The following RAB11FIP4 variants were observed in gnomAD, a reference collection of about 807,000 sequenced individuals.
RAB11FIP4 encodes RAB11 family interacting protein 4.
Under a neutral mutation model 74.3 loss-of-function variants are expected in RAB11FIP4, and 23 were observed. The observed-to-expected ratio is 0.31, with a 90% CI of 0.22 to 0.44. The LOEUF (loss-of-function observed/expected upper bound fraction) is 0.44, where lower values mean the gene tolerates loss of function less well. Among genes scored for constraint, RAB11FIP4 ranks in the 20% least tolerant of loss-of-function variants. RAB11FIP4 has a pLI of 1.00. For missense variants in RAB11FIP4, 630 were observed against 863.9 expected (o/e 0.73, Z 3.39); for synonymous variants, 360 against 359.9 (o/e 1.00, Z 0.00).
At chr17:31,467,842 T>G (rs761510553) in intron 3 of RAB11FIP4, among the ~76,000 whole-genome samples, 3 of 152,188 alleles carry the variant, frequency 2.0e-5, no homozygotes, top group Admixed American at 6.5e-5. Context: ...TTGGGGCCCA[T>G]TCTAATTAAG....
rs529316298 is a variant in RAB11FIP4, at chr17:31,444,606, G to A, written c.336+10484G>A. 1.0e-3 allele frequency among the ~76,000 whole-genome samples: 154 copies of A among 152,208 alleles called. 1 individual carries two copies. Among genetic ancestry groups the A allele is most frequent in the Non-Finnish European group, 1.8e-3 (124 of 68,006 alleles). ...CGCTAAGCTGAGCTGGCCAGCAAGTGCTACTTCCCACGGGCCACCTCCTGC... is the reference window on the plus strand; with the variant it reads ...CGCTAAGCTGAGCTGGCCAGCAAGTACTACTTCCCACGGGCCACCTCCTGC... On this transcript the variant is annotated intron_variant, in intron 3 of 14. Coordinates refer to ENST00000621161, the MANE Select transcript of RAB11FIP4 (RefSeq NM_032932.6).
At chr17:31,501,446 C>G (rs1567678942) in intron 3 of RAB11FIP4, among the ~76,000 whole-genome samples, 1 of 152,206 alleles carries the variant, frequency 6.6e-6, no homozygotes, top group East Asian at 1.9e-4. Context: ...GCAAAATCAT[C>G]TAACACAGAG....
intron 1 of RAB11FIP4, among the ~76,000 whole-genome samples, chr17:31,429,427 G>A (rs961315434): frequency 6.6e-6 from 1 of 152,148 alleles, no homozygotes; most frequent in Non-Finnish European, 1.5e-5. Flanking sequence ...TCTCAGCTGC[G>A]AGTGCCCTGA....
intron 7 of RAB11FIP4, chr17:31,522,672 A>G: frequency 1.9e-6 from 1 of 526,440 alleles, no homozygotes; most frequent in East Asian, 3.2e-5. Flanking sequence ...TGAGAGAGAC[A>G]GAGCACCCCA....
chr17:31,447,743 G>A lies in RAB11FIP4; in HGVS notation c.336+13621G>A, dbSNP rs376268905. ...TCACCATGTTGGCCAGGCTGGTCTC[G>A]AACTCCTGACCTCAGGTGATCTGCC... On this transcript the variant is annotated intron_variant, in intron 3 of 14. Transcript: ENST00000621161. Among the ~76,000 whole-genome samples, 6 of 152,208 alleles carry A rather than the reference G, an allele frequency of 3.9e-5. 1 individual carries two copies. The highest frequency in any genetic ancestry group is 2.1e-4 in the South Asian group (1 of 4,818).
intron 3 of RAB11FIP4, among the ~76,000 whole-genome samples, chr17:31,504,929 A>C (rs991179892): frequency 6.6e-6 from 1 of 152,218 alleles, no homozygotes; most frequent in Non-Finnish European, 1.5e-5. Context: ...GTTTTCTTCC[A>C]GCCTGCCTCA....
chr17:31,427,200 A>T (rs2151626050), intron 1 of RAB11FIP4, among the ~76,000 whole-genome samples: 1 of 152,250 alleles, frequency 6.6e-6, no homozygotes, highest in Non-Finnish European at 1.5e-5. Context: ...ACCTCAGGTG[A>T]TCCACCTACC....
At position 31,499,008 on chromosome 17, in the gene RAB11FIP4, GC is replaced by G. The variant is rs1330690110; in HGVS notation, c.337-18640del. On this transcript the variant is annotated intron_variant, in intron 3 of 14. Transcript: ENST00000621161. ...CTATAATTTGTAGCAAAAAATAGCTGCCCGTTCCAAGAACCAGGAGAGCCCT... is the reference window on the plus strand; with the variant it reads ...CTATAATTTGTAGCAAAAAATAGCTGCCGTTCCAAGAACCAGGAGAGCCCT... Among the ~76,000 whole-genome samples the G allele has an allele frequency of 5.3e-5, 8 of 152,312 alleles. No homozygotes were observed. In the East Asian group the frequency reaches 1.5e-3, roughly 29 times the overall value.
At position 31,512,787 on chromosome 17, in the gene RAB11FIP4, C is replaced by T. The variant is rs1376543532; in HGVS notation, c.337-4864C>T. The stretch of plus-strand genomic sequence containing the variant: ...ACCCTGGGAACACCAGGCCAAGCTC[C>T]AGGCCTGGACATGTGTAGGGTCCCT... On this transcript the variant is annotated intron_variant, in intron 3 of 14. Transcript: ENST00000621161. This position sits in a 1 kb window ranked among gnomAD's most constrained non-coding sequence, Gnocchi z 4.1. Among the ~76,000 whole-genome samples the T allele has an allele frequency of 1.5e-5, 2 of 129,368 alleles. No individual in the cohort carries two copies. Among genetic ancestry groups the T allele is most frequent in the African/African-American group, 6.7e-5 (2 of 29,822 alleles). 84.9% of individuals were successfully genotyped at this position (129,368 alleles called of 152,430 possible). A position where few individuals can be genotyped will look rare whatever the true frequency, so the allele number is the denominator to read the frequency against.
intron 10 of RAB11FIP4, chr17:31,525,478 C>T: frequency 1.9e-6 from 1 of 532,348 alleles, no homozygotes; most frequent in Non-Finnish European, 3.3e-6. Flanking sequence ...ACACAAATGT[C>T]TGTCAGAGAA....
intron 3 of RAB11FIP4, among the ~76,000 whole-genome samples, chr17:31,476,787 T>C (rs111195): frequency 0.79 from 120,895 of 152,260 alleles, 48,310 homozygotes; most frequent in African/African-American, 0.89. Flanking sequence ...GAGCTGTTGC[T>C]GGGCCGTGGT....
In RAB11FIP4 at chr17:31,497,962, C is replaced by T. The variant is rs190892755; in HGVS notation, c.337-19689C>T. 9.8e-4 allele frequency among the ~76,000 whole-genome samples: 150 copies of T among 152,290 alleles called. 1 individual carries two copies. Among genetic ancestry groups the T allele is most frequent in the African/African-American group, 3.5e-3 (145 of 41,562 alleles). ...TTTGATGAGGTGGTGCTTATGCCCC[C>T]TGTGCATAAGAAGCAGCATGTGCTG... is the stretch of plus-strand genomic sequence containing the variant. On this transcript the variant is annotated intron_variant, in intron 3 of 14. Transcript: ENST00000621161.
At chr17:31,400,580 C>A (rs571725445) in intron 1 of RAB11FIP4, among the ~76,000 whole-genome samples, 1 of 152,352 alleles carries the variant, frequency 6.6e-6, no homozygotes, top group South Asian at 2.1e-4. Context: ...GGGAGACCAG[C>A]ACCAAGGCTA....
intron 3 of RAB11FIP4, among the ~76,000 whole-genome samples, chr17:31,511,399 C>T (rs754808489): frequency 6.6e-6 from 1 of 152,262 alleles, no homozygotes; most frequent in Non-Finnish European, 1.5e-5. Flanking sequence ...GATCCAGCAT[C>T]AGACAGTCAG....
Position 31,530,320 on chromosome 17 carries a change from C to A in RAB11FIP4, c.1654-6C>A, listed in dbSNP as rs748236621. ...GTTGATGTCGCCTTCGTCCTTCTCTCTGTAGGAGAATTATAAGCTGCGGGA... is the reference window on the plus strand; with the variant it reads ...GTTGATGTCGCCTTCGTCCTTCTCTATGTAGGAGAATTATAAGCTGCGGGA... On this transcript the variant is annotated splice_region_variant and splice_polypyrimidine_tract_variant and intron_variant, in intron 13 of 14. Transcript: ENST00000621161. 1 of 1,613,952 alleles carries A rather than the reference C, an allele frequency of 6.2e-7. No homozygotes were observed. Among genetic ancestry groups the A allele is most frequent in the Non-Finnish European group, 8.5e-7 (1 of 1,179,880 alleles).
chr17:31,516,430 CACAA>C (rs967352873), intron 3 of RAB11FIP4, among the ~76,000 whole-genome samples: 3 of 152,096 alleles, frequency 2.0e-5, no homozygotes, highest in African/African-American at 7.2e-5. Flanking sequence ...GGACAAAATG[CACAA>C]ACAAAACAAA....
chr17:31,512,507 G>A lies in RAB11FIP4; in HGVS notation c.337-5144G>A, dbSNP rs550374962. ...TGCATCCGCTCTCTCCCTTCACCCC[G>A]GGGTCCGCTGGCAGGTGGAAGAAAG... is the stretch of plus-strand genomic sequence containing the variant. On this transcript the variant is annotated intron_variant, in intron 3 of 14. Coordinates refer to ENST00000621161, the MANE Select transcript of RAB11FIP4 (RefSeq NM_032932.6). The surrounding 1 kb of genome is among the most constrained non-coding windows in gnomAD (Gnocchi z 4.1). 1.3e-5 allele frequency among the ~76,000 whole-genome samples: 2 copies of A among 152,292 alleles called. No individual in the cohort carries two copies. The highest frequency in any genetic ancestry group is 1.9e-4 in the East Asian group (1 of 5,176).
Position 31,530,338 on chromosome 17 carries a change from C to T in RAB11FIP4, c.1666C>T (p.Leu556=), listed in dbSNP as rs1173531293. The T allele has an allele frequency of 3.7e-6, 6 of 1,614,038 alleles. No individual in the cohort carries two copies. The highest frequency in any genetic ancestry group is 4.2e-6 in the Non-Finnish European group (5 of 1,180,026). Residue 556 remains leucine (L), a synonymous_variant, in exon 14 of 15, where the codon CTG becomes TTG. Coordinates refer to ENST00000621161, the MANE Select transcript of RAB11FIP4 (RefSeq NM_032932.6). ...VKRLKQENYK[L]RDQNDDLNGQ... ...CTTCTCTCTGTAGGAGAATTATAAG[C>T]TGCGGGATCAGAACGACGACTTGAA...
chr17:31,476,172 CTTTTTTTTTTT>C (rs71369069), intron 3 of RAB11FIP4, among the ~76,000 whole-genome samples: 26 of 63,534 alleles, frequency 4.1e-4, no homozygotes, highest in East Asian at 2.4e-3. Flanking sequence ...ATCGACTGAA[CTTTTTTTTTTT>C]TTTTTTTTTT....
Sources: allele counts gnomAD v4.1 joint callset (sites outside exome capture counted in the v4.1 genomes callset), GRCh38; gene constraint gnomAD v4.1.1; non-coding constraint Gnocchi (gnomAD v3.1); transcripts MANE v1.5; gene names NCBI Gene and HGNC (gene_info 2026-07-23, HGNC 2026-07-21).